The following ZBTB7A variants were observed in gnomAD, a reference collection of about 807,000 sequenced individuals.
ZBTB7A encodes zinc finger and BTB domain containing 7A.
A neutral mutation model predicts 26.7 loss-of-function variants in ZBTB7A; 7 were observed. The observed-to-expected ratio is 0.26, with a 90% CI of 0.15 to 0.49. The LOEUF is 0.49. Among genes scored for constraint, ZBTB7A ranks in the 20% least tolerant of loss-of-function variants. ZBTB7A has a pLI of 0.98. For missense variants in ZBTB7A, 617 were observed against 919.5 expected (o/e 0.67, Z 4.25); for synonymous variants, 452 against 441.0 (o/e 1.02, Z -0.31).
At chr19:4,059,481 G>C (rs1471288234) in intron 1 of ZBTB7A, among the ~76,000 whole-genome samples, 1 of 152,130 alleles carries the variant, frequency 6.6e-6, no homozygotes, top group Non-Finnish European at 1.5e-5. Context: ...AGCGAGGCCC[G>C]GGGTGATGTC....
At chr19:4,049,685 C>T (rs2040476532) in intron 2 of ZBTB7A, among the ~76,000 whole-genome samples, 1 of 152,136 alleles carries the variant, frequency 6.6e-6, no homozygotes, top group Non-Finnish European at 1.5e-5. Context: ...CAAGTCCCCA[C>T]CCCACGACAC....
chr19:4,045,677 G>A lies in ZBTB7A; in HGVS notation c.*2075C>T, dbSNP rs1279141011. On this transcript the variant is annotated 3_prime_UTR_variant, in exon 3 of 3. Coordinates refer to ENST00000322357, the MANE Select transcript of ZBTB7A (RefSeq NM_015898.4). This position sits in a 1 kb window ranked among gnomAD's most constrained non-coding sequence, Gnocchi z 4.1. ...GGTTGGGCATTGACAAGAAGTCTCA[G>A]TGCAGCAGAGCGTCTATTTTCGGGG... The A allele has an allele frequency of 2.6e-6, 1 of 384,346 alleles. No individual in the cohort carries two copies. Among genetic ancestry groups the A allele is most frequent in the African/African-American group, 2.1e-5 (1 of 48,244 alleles). 23.8% of individuals were successfully genotyped at this position (384,346 alleles called of 1,614,324 possible). A position where few individuals can be genotyped will look rare whatever the true frequency, so the allele number is the denominator to read the frequency against.
chr19:4,055,309 T>C, intron 1 of ZBTB7A, 62 bp from the exon 2 acceptor site: 1 of 1,428,590 alleles, frequency 7.0e-7, no homozygotes, highest in Non-Finnish European at 9.1e-7. Context: ...CTGTGCCCAC[T>C]GACAAGGGCC....
intron 2 of ZBTB7A, among the ~76,000 whole-genome samples, chr19:4,053,537 GTA>G (rs2040528801): frequency 1.3e-5 from 2 of 151,100 alleles, no homozygotes; most frequent in African/African-American, 4.9e-5. Flanking sequence ...GCGTGCATGT[GTA>G]TGTGATGTGT....
chr19:4,055,561 G>T, intron 1 of ZBTB7A: 1 of 814,444 alleles, frequency 1.2e-6, no homozygotes, highest in Non-Finnish European at 1.5e-6. Context: ...GGTGGCTCAC[G>T]CCTGTAATCC....
At chr19:4,064,497 G>C (rs2040671437) in intron 1 of ZBTB7A, among the ~76,000 whole-genome samples, 1 of 152,254 alleles carries the variant, frequency 6.6e-6, no homozygotes, top group Non-Finnish European at 1.5e-5. Flanking sequence ...CTTAGGCCTG[G>C]CCTGGCCTGG....
At chr19:4,053,610 T>C (rs1351393354) in intron 2 of ZBTB7A, among the ~76,000 whole-genome samples, 2 of 150,748 alleles carry the variant, frequency 1.3e-5, no homozygotes, top group African/African-American at 4.9e-5. Context: ...CATGTGTATG[T>C]GATGTGTATG....
At position 4,043,822 on chromosome 19, in the gene ZBTB7A, C is replaced by T. The variant is rs1444024347; in HGVS notation, c.*3930G>A. ...ACCCCCAGCCTCCAGGCCCCTGACC[C>T]GTCCTGCGCCAGCCACCCACCACCC... is the stretch of plus-strand genomic sequence containing the variant. On this transcript the variant is annotated 3_prime_UTR_variant, in exon 3 of 3. Transcript: ENST00000322357. Among the ~76,000 whole-genome samples, 28 of 138,552 alleles carry T rather than the reference C, an allele frequency of 2.0e-4. No individual in the cohort carries two copies. Among genetic ancestry groups the T allele is most frequent in the Admixed American group, 7.2e-5 (1 of 13,872 alleles). 90.9% of individuals were successfully genotyped at this position (138,552 alleles called of 152,430 possible).
chr19:4,050,017 G>A (rs575071225), intron 2 of ZBTB7A, among the ~76,000 whole-genome samples: 173 of 152,198 alleles, frequency 1.1e-3, no homozygotes, highest in African/African-American at 2.4e-3. Context: ...TCCGTCTCCC[G>A]GGTTCAAGCA....
chr19:4,058,763 G>A (rs760414252), intron 1 of ZBTB7A, among the ~76,000 whole-genome samples: 19 of 152,326 alleles, frequency 1.2e-4, no homozygotes, highest in Non-Finnish European at 2.5e-4. Context: ...GCATGGTGTC[G>A]GTCCAGCCGG....
At position 4,048,292 on chromosome 19, in the gene ZBTB7A, C is replaced by A; in HGVS notation, c.1263-48G>T. On this transcript the variant is annotated intron_variant, in intron 2 of 2. Transcript: ENST00000322357. The surrounding 1 kb of genome is among the most constrained non-coding windows in gnomAD (Gnocchi z 6.7). The stretch of plus-strand genomic sequence containing the variant: ...GCACGGTCAGTGGGGCCGGGGACCC[C>A]CGATCCCCGCCCAGGGACCCTCACG... 1 of 1,511,922 alleles carries A rather than the reference C, an allele frequency of 6.6e-7. No homozygotes were observed. The highest frequency in any genetic ancestry group is 8.8e-7 in the Non-Finnish European group (1 of 1,139,856). 93.7% of individuals were successfully genotyped at this position (1,511,922 alleles called of 1,614,324 possible).
At position 4,065,907 on chromosome 19, in the gene ZBTB7A, C is replaced by A. The variant is rs1185492337; in HGVS notation, c.-16+775G>T. Among the ~76,000 whole-genome samples the A allele has an allele frequency of 2.8e-5, 4 of 143,658 alleles. No individual in the cohort carries two copies. In the South Asian group the frequency reaches 6.3e-4, roughly 23 times the overall value. 94.2% of individuals were successfully genotyped at this position (143,658 alleles called of 152,430 possible). On this transcript the variant is annotated intron_variant, in intron 1 of 2. Transcript: ENST00000322357. ...GGGAGCCCGGCTCCAGGCCCCGCCC[C>A]CTGGCGGGCTGGCCCCGCCCCCGCG...
chr19:4,045,354 A>G lies in ZBTB7A; in HGVS notation c.*2398T>C, dbSNP rs2040401732. Reference sequence around the variant, plus strand: ...GGGTGTTCAAGCTCCCCGCTCAGCCACGACAGATGGTTTTCTCTCCAGAAC... The same window carrying G: ...GGGTGTTCAAGCTCCCCGCTCAGCCGCGACAGATGGTTTTCTCTCCAGAAC... On this transcript the variant is annotated 3_prime_UTR_variant, in exon 3 of 3. Transcript: ENST00000322357. The surrounding 1 kb of genome is among the most constrained non-coding windows in gnomAD (Gnocchi z 4.1). The G allele has an allele frequency of 6.6e-6, 1 of 152,186 alleles. No individual in the cohort carries two copies. Among genetic ancestry groups the G allele is most frequent in the African/African-American group, 2.4e-5 (1 of 41,384 alleles). 9.4% of individuals were successfully genotyped at this position (152,186 alleles called of 1,614,324 possible).
At chr19:4,058,397 G>A (rs58519763) in intron 1 of ZBTB7A, among the ~76,000 whole-genome samples, 19,297 of 152,072 alleles carry the variant, frequency 0.13, 1,275 homozygotes, top group East Asian at 0.17. Flanking sequence ...GGGCAGCGCC[G>A]GGCCCTGGGG....
chr19:4,060,081 C>G (rs188588969), intron 1 of ZBTB7A, among the ~76,000 whole-genome samples: 46 of 152,142 alleles, frequency 3.0e-4, no homozygotes, highest in Non-Finnish European at 5.6e-4. Flanking sequence ...GCTCCTCCCC[C>G]GCGCTGGCCT....
intron 1 of ZBTB7A, among the ~76,000 whole-genome samples, chr19:4,065,932 G>A (rs2040691840): frequency 1.6e-5 from 2 of 126,070 alleles, no homozygotes; most frequent in South Asian, 2.5e-4. Context: ...CCGCCCCCGC[G>A]CCGCGCCGCG....
At position 4,054,333 on chromosome 19, in the gene ZBTB7A, C is replaced by G. The variant is rs2040545302; in HGVS notation, c.900G>C (p.Ala300=). ...PGDSPGFLSG[A]AEGEDGDGPD... is the part of the protein sequence containing the mutation. Reference sequence around the variant, plus strand: ...GCCCGTCCCCGTCCTCGCCCTCGGCCGCTCCCGACAGGAAGCCCGGAGAGT... The same window carrying G: ...GCCCGTCCCCGTCCTCGCCCTCGGCGGCTCCCGACAGGAAGCCCGGAGAGT... Residue 300 remains alanine (A), a synonymous_variant, in exon 2 of 3, where the codon GCG becomes GCC. Coordinates refer to ENST00000322357, the MANE Select transcript of ZBTB7A (RefSeq NM_015898.4). 1 of 1,509,760 alleles carries G rather than the reference C, an allele frequency of 6.6e-7. No homozygotes were observed. The highest frequency in any genetic ancestry group is 8.8e-7 in the Non-Finnish European group (1 of 1,136,996). The allele number at this position is 1,509,760 out of a possible 1,614,324, so 93.5% of individuals were successfully genotyped here.
chr19:4,050,130 G>A (rs1432086099), intron 2 of ZBTB7A, among the ~76,000 whole-genome samples: 2 of 151,978 alleles, frequency 1.3e-5, no homozygotes, highest in Admixed American at 1.3e-4. Flanking sequence ...TCACCATGTT[G>A]GCCGGGCTGG....
Position 4,054,018 on chromosome 19 carries a change from C to A in ZBTB7A, c.1215G>T (p.Thr405=). 1 of 1,611,374 alleles carries A rather than the reference C, an allele frequency of 6.2e-7. No individual in the cohort carries two copies. Among genetic ancestry groups the A allele is most frequent in the Admixed American group, 1.7e-5 (1 of 59,896 alleles). Residue 405 remains threonine (T), a synonymous_variant, in exon 2 of 3, where the codon ACG becomes ACT. Transcript: ENST00000322357. ...GKLPRHIRTH[T]GEKPYECNIC... ...TGTTGCACTCGTAGGGCTTCTCGCC[C>A]GTGTGGGTGCGGATGTGTCGCGGCA... is the stretch of plus-strand genomic sequence containing the variant.
Sources: gnomAD v4.1 joint callset for allele counts (sites outside exome capture counted in the v4.1 genomes callset) on GRCh38, gnomAD v4.1.1 for gene constraint, Gnocchi (gnomAD v3.1) non-coding constraint, MANE v1.5 for transcripts, NCBI Gene and HGNC (gene_info 2026-07-23, HGNC 2026-07-21) for gene names.